Variants in MINAR1 observed in about 807,000 individuals in gnomAD.
MINAR1 encodes the protein membrane integral NOTCH2 associated receptor 1, also known as major intrinsically disordered Notch2-binding receptor 1.
Under a neutral mutation model 65.1 loss-of-function variants are expected in MINAR1, and 40 were observed. That is an observed-to-expected ratio of 0.61 (90% CI 0.48 to 0.80). The LOEUF (loss-of-function observed/expected upper bound fraction) is 0.80. MINAR1 is among the 30% of genes least tolerant of loss of function. The probability of loss-of-function intolerance (pLI) is 0.00; values close to 1 mark genes in which losing one functional copy is unlikely to be tolerated. For synonymous variants in MINAR1, 482 were observed against 449.1 expected, an observed-to-expected ratio of 1.07 and a Z score of -0.93; for missense variants, 1,128 against 1,148.0, an observed-to-expected ratio of 0.98 and a Z score of 0.25.
At chr15:79,459,324 T>C (rs113189566) in intron 2 of MINAR1, among the ~76,000 whole-genome samples, 20 of 152,246 alleles carry the variant, frequency 1.3e-4, no homozygotes, top group Non-Finnish European at 2.5e-4. Context: ...TGCTTTTGCA[T>C]GTTTATAGCA....
upstream of MINAR1, among the ~76,000 whole-genome samples, chr15:79,428,226 CCCCTCCCTCCCTCCTCT>C (rs1894356512): frequency 8.1e-6 from 1 of 123,336 alleles, no homozygotes; most frequent in African/African-American, 3.1e-5. Context: ...TCCTTTATTC[CCCCTCCCTCCCTCCTCT>C]CCCTCCCTCC....
chr15:79,445,814 C>G (rs749602007), intron 1 of MINAR1, among the ~76,000 whole-genome samples: 1 of 152,194 alleles, frequency 6.6e-6, no homozygotes, highest in Non-Finnish European at 1.5e-5. Flanking sequence ...TCCCAAAGTG[C>G]TGGGATTACA....
At chr15:79,422,783 G>C in the MINAR1 span, 1 of 151,782 alleles carries the variant, frequency 6.6e-6, no homozygotes, top group Admixed American at 6.6e-5. Context: ...AGAAGGTGAG[G>C]GAAGTTTGGC....
At chr15:79,463,473 C>A (rs1306906836) in intron 3 of MINAR1, 152 bp downstream of exon 3, 4 of 886,632 alleles carry the variant, frequency 4.5e-6, no homozygotes, top group African/African-American at 1.7e-5. Context: ...TTTAATAAAT[C>A]ATAGAGCAGA....
intron 3 of MINAR1, among the ~76,000 whole-genome samples, chr15:79,464,971 A>G (rs1895785112): frequency 6.6e-6 from 1 of 152,248 alleles, no homozygotes; most frequent in Non-Finnish European, 1.5e-5. Context: ...AGTGAGCCAT[A>G]GGCTGAGAAA....
chr15:79,446,671 T>C (rs996975982), intron 1 of MINAR1, among the ~76,000 whole-genome samples: 1 of 152,130 alleles, frequency 6.6e-6, no homozygotes, highest in Non-Finnish European at 1.5e-5. Flanking sequence ...TAAGGGTGAG[T>C]TCATTATTTA....
At chr15:79,428,097 C>G (rs1407475132), upstream of MINAR1, among the ~76,000 whole-genome samples, 1 of 152,200 alleles carries the variant, frequency 6.6e-6, no homozygotes. Flanking sequence ...ATTCCTTGTT[C>G]ACTGGTACAT....
intron 3 of MINAR1, among the ~76,000 whole-genome samples, chr15:79,464,916 T>G (rs533209636): frequency 2.0e-5 from 3 of 148,990 alleles, no homozygotes; most frequent in South Asian, 4.2e-4. Flanking sequence ...CGGTGGAATA[T>G]TTCATCAGTA....
At chr15:79,451,029 A>G (rs564432710) in intron 1 of MINAR1, among the ~76,000 whole-genome samples, 49 of 152,180 alleles carry the variant, frequency 3.2e-4, no homozygotes, top group Non-Finnish European at 5.9e-4. Context: ...CCAACGTCAC[A>G]TAGTGGGCAG....
rs1015157265 is a variant in MINAR1 at position 79,471,691 on chromosome 15, G to A, written c.*3307G>A. 2.0e-5 allele frequency: 3 copies of A among 152,190 alleles called. No homozygotes were observed. The highest frequency in any genetic ancestry group is 2.9e-5 in the Non-Finnish European group (2 of 67,958). The allele number at this position is 152,190 out of a possible 1,614,324, so 9.4% of individuals were successfully genotyped here. ...TTTACAAGTTATCAAGATAAGAGCA[G>A]TGGCATCACATTTGTTGTTGTTGTT... is the stretch of plus-strand genomic sequence containing the variant. On this transcript the variant is annotated 3_prime_UTR_variant, in exon 4 of 4. Transcript: ENST00000305428.
Position 79,468,634 on chromosome 15 carries a change from C to CT in MINAR1, c.*250_*251insT. ...GCAATATCTTTTCCTACCAAAAGAA[C>CT]ATCATGGACTATCAATAAATACAAA... On this transcript the variant is annotated 3_prime_UTR_variant, in exon 4 of 4. Coordinates refer to ENST00000305428, the MANE Select transcript of MINAR1 (RefSeq NM_015206.3). The CT allele has an allele frequency of 2.0e-6, 1 of 497,478 alleles. No individual in the cohort carries two copies. Among genetic ancestry groups the CT allele is most frequent in the Non-Finnish European group, 3.6e-6 (1 of 279,534 alleles). 30.8% of individuals were successfully genotyped at this position (497,478 alleles called of 1,614,324 possible).
At chr15:79,467,431 C>T (rs1321628573) in intron 3 of MINAR1, among the ~76,000 whole-genome samples, 8 of 152,140 alleles carry the variant, frequency 5.3e-5, no homozygotes, top group East Asian at 1.9e-4. Context: ...TAACTGTCAA[C>T]GTGGAATAGG....
At chr15:79,460,767 G>A (rs1895615827) in intron 2 of MINAR1, among the ~76,000 whole-genome samples, 1 of 152,174 alleles carries the variant, frequency 6.6e-6, no homozygotes. Context: ...TCACAACCCT[G>A]TGAATGTACC....
chr15:79,445,550 A>ATT (rs60881490), intron 1 of MINAR1, among the ~76,000 whole-genome samples: 101,801 of 138,390 alleles, frequency 0.74, 37,315 homozygotes, highest in Admixed American at 0.81. Context: ...TGTGACAGTT[A>ATT]TTTTTTTTTT....
At chr15:79,411,440 T>G in the MINAR1 span, 2 of 702,498 alleles carry the variant, frequency 2.8e-6, no homozygotes, top group Non-Finnish European at 5.2e-6. Context: ...GACAAGATGG[T>G]CGACTATATG....
At chr15:79,424,555 A>T in the MINAR1 span, 1 of 152,208 alleles carries the variant, frequency 6.6e-6, no homozygotes, top group Non-Finnish European at 1.5e-5. Flanking sequence ...CAGCGTGAGG[A>T]TATTATAAGG....
chr15:79,412,014 T>G, the MINAR1 span: 2 of 150,536 alleles, frequency 1.3e-5, no homozygotes, highest in Non-Finnish European at 1.5e-5. Flanking sequence ...CTGCTTGCAG[T>G]GCAGCCTTGG....
chr15:79,439,875 T>A (rs4778696), intron 1 of MINAR1, among the ~76,000 whole-genome samples: 2 of 151,756 alleles, frequency 1.3e-5, no homozygotes. Flanking sequence ...AAAAAGTATT[T>A]GGTTATTTAG....
chr15:79,464,983 A>G (rs1014186379), intron 3 of MINAR1, among the ~76,000 whole-genome samples: 5 of 152,224 alleles, frequency 3.3e-5, no homozygotes, highest in Non-Finnish European at 7.3e-5. Flanking sequence ...GCTGAGAAAC[A>G]TCTTTGCAAA....
Sources: allele counts gnomAD v4.1 joint callset (sites outside exome capture counted in the v4.1 genomes callset), GRCh38; gene constraint gnomAD v4.1.1; transcripts MANE v1.5; gene names NCBI Gene and HGNC (gene_info 2026-07-23, HGNC 2026-07-21).